SOBP: variants seen among roughly 807,000 people sequenced by gnomAD.
SOBP encodes sine oculis binding protein homolog.
SOBP carries 4 observed loss-of-function variants against 53.6 expected under a neutral mutation model. The observed-to-expected ratio is 0.07, with a 90% CI of 0.04 to 0.17. SOBP has a LOEUF of 0.17. SOBP is among the 10% of genes least tolerant of loss of function. The pLI, the probability that SOBP is intolerant of heterozygous loss-of-function variation, is 1.00. For missense variants in SOBP, 1,088 were observed against 1,204.7 expected, an observed-to-expected ratio of 0.90 and a Z score of 1.43; for synonymous variants, 584 against 522.6, an observed-to-expected ratio of 1.12 and a Z score of -1.60.
At chr6:107,563,397 A>T (rs1338863317) in intron 4 of SOBP, among the ~76,000 whole-genome samples, 1 of 152,242 alleles carries the variant, frequency 6.6e-6, no homozygotes, top group African/African-American at 2.4e-5. Context: ...CATTTTTATG[A>T]TTAGGAAATT....
chr6:107,536,105 T>G (rs947960034), intron 4 of SOBP, among the ~76,000 whole-genome samples: 2 of 152,198 alleles, frequency 1.3e-5, no homozygotes, highest in African/African-American at 4.8e-5. Context: ...TGTGTGTGTG[T>G]GCAGAACAGA....
At chr6:107,657,531 A>G (rs1562131861) in intron 6 of SOBP, among the ~76,000 whole-genome samples, 1 of 152,198 alleles carries the variant, frequency 6.6e-6, no homozygotes, top group Non-Finnish European at 1.5e-5. Context: ...ATATGTGTCC[A>G]TGGTAATTTT....
At chr6:107,630,941 T>C (rs1770690544) in intron 5 of SOBP, among the ~76,000 whole-genome samples, 1 of 152,212 alleles carries the variant, frequency 6.6e-6, no homozygotes, top group Non-Finnish European at 1.5e-5. Flanking sequence ...TGTAATTCTT[T>C]TTATGTCAAA....
At chr6:107,504,115 CTT>C (rs1782916636) in intron 2 of SOBP, among the ~76,000 whole-genome samples, 1 of 152,216 alleles carries the variant, frequency 6.6e-6, no homozygotes, top group Admixed American at 6.5e-5. Flanking sequence ...TTCCTGATCA[CTT>C]TGATAGATCA....
At chr6:107,641,016 A>G (rs1402842822) in intron 6 of SOBP, among the ~76,000 whole-genome samples, 1 of 152,238 alleles carries the variant, frequency 6.6e-6, no homozygotes, top group Non-Finnish European at 1.5e-5. Flanking sequence ...TTATGTGCCT[A>G]TGCACAGAGG....
chr6:107,490,849 C>T lies in SOBP; in HGVS notation c.96+137C>T, dbSNP rs77282648. The T allele has an allele frequency of 1.7e-3, 1,165 of 690,678 alleles. 6 individuals are homozygous for T. In the African/African-American group the frequency reaches 0.018, roughly 10 times the overall value. The allele number at this position is 690,678 out of a possible 1,614,324, so 42.8% of individuals were successfully genotyped here. A position where few individuals can be genotyped will look rare whatever the true frequency, so the allele number is the denominator to read the frequency against. ...GATGCCCAGAACGGCTCCGCTCCTC[C>T]TCCAGGTGTAAAGCAGAGGCCAACT... is the stretch of plus-strand genomic sequence containing the variant. On this transcript the variant is annotated intron_variant, in intron 1 of 6. Coordinates refer to ENST00000317357, the MANE Select transcript of SOBP (RefSeq NM_018013.4).
chr6:107,641,913 G>A (rs986471890), intron 6 of SOBP, among the ~76,000 whole-genome samples: 2 of 152,188 alleles, frequency 1.3e-5, no homozygotes, highest in East Asian at 1.9e-4. Context: ...CCAAAGGGAC[G>A]GGGGTGGCCA....
chr6:107,548,070 A>T (rs909969048), intron 4 of SOBP, among the ~76,000 whole-genome samples: 6 of 152,142 alleles, frequency 3.9e-5, no homozygotes, highest in African/African-American at 1.4e-4. Flanking sequence ...TTCATTGAGT[A>T]TGAGGGATTT....
chr6:107,572,597 C>A (rs1291942286), intron 4 of SOBP, among the ~76,000 whole-genome samples: 2 of 152,172 alleles, frequency 1.3e-5, no homozygotes, highest in East Asian at 3.8e-4. Context: ...AGCCACTGCA[C>A]CTGGCCTTAA....
chr6:107,647,644 T>G (rs1277812796), intron 6 of SOBP, among the ~76,000 whole-genome samples: 2 of 151,926 alleles, frequency 1.3e-5, no homozygotes, highest in Non-Finnish European at 2.9e-5. Flanking sequence ...GGTTCCACTT[T>G]TACAAGTCGA....
intron 4 of SOBP, among the ~76,000 whole-genome samples, chr6:107,551,019 A>G (rs180951703): frequency 1.1e-4 from 16 of 152,336 alleles, no homozygotes; most frequent in Non-Finnish European, 2.2e-4. Flanking sequence ...TAATGCAGAG[A>G]CTGACAGGCA....
chr6:107,499,592 A>G (rs1441850172), intron 1 of SOBP, among the ~76,000 whole-genome samples: 1 of 152,218 alleles, frequency 6.6e-6, no homozygotes, highest in African/African-American at 2.4e-5. Flanking sequence ...TATGGGAGCA[A>G]TGATAAAATA....
chr6:107,521,296 A>T (rs1265164730), intron 3 of SOBP, among the ~76,000 whole-genome samples: 1 of 151,846 alleles, frequency 6.6e-6, no homozygotes, highest in Non-Finnish European at 1.5e-5. Flanking sequence ...TTTAGGCTTC[A>T]CTATGATACA....
chr6:107,595,350 C>CTTTTTTTTTTTTT (rs745477007), intron 5 of SOBP, among the ~76,000 whole-genome samples: 1 of 88,138 alleles, frequency 1.1e-5, no homozygotes, highest in Non-Finnish European at 2.0e-5. Flanking sequence ...GATTTTGATC[C>CTTTTTTTTTTTTT]TTTTTTTTTT....
Position 107,621,338 on chromosome 6 carries a change from T to G in SOBP, c.670-12176T>G, listed in dbSNP as rs555777881. ...GGGATCCTTAGTGGAGAATCCAGTATTTGTTGAGCATTGGTTTTCAACCAG... is the reference window on the plus strand; with the variant it reads ...GGGATCCTTAGTGGAGAATCCAGTAGTTGTTGAGCATTGGTTTTCAACCAG... On this transcript the variant is annotated intron_variant, in intron 5 of 6. Transcript: ENST00000317357. Among the ~76,000 whole-genome samples the G allele has an allele frequency of 3.7e-4, 57 of 152,360 alleles. No individual in the cohort carries two copies. The South Asian group carries it at 0.011, about 30-fold the overall frequency.
intron 6 of SOBP, among the ~76,000 whole-genome samples, chr6:107,647,617 A>C (rs139598581): frequency 6.6e-6 from 1 of 152,286 alleles, no homozygotes; most frequent in Non-Finnish European, 1.5e-5. Context: ...CATTCCAGAA[A>C]TTCTCATAAA....
intron 6 of SOBP, among the ~76,000 whole-genome samples, chr6:107,649,468 C>G (rs919452038): frequency 6.6e-6 from 1 of 151,782 alleles, no homozygotes; most frequent in Non-Finnish European, 1.5e-5. Flanking sequence ...CAGAGCAAGA[C>G]CCTGTCTCAA....
rs187606104 is a variant in SOBP at position 107,543,789 on chromosome 6, G to A, written c.573+10179G>A. ...TTGAAAGATAAAAATGTGGTTAGCCGTCATCATAGGGTCCTTAGATGAACC... is the reference window on the plus strand; with the variant it reads ...TTGAAAGATAAAAATGTGGTTAGCCATCATCATAGGGTCCTTAGATGAACC... On this transcript the variant is annotated intron_variant, in intron 4 of 6. Transcript: ENST00000317357. Among the ~76,000 whole-genome samples, 507 of 152,282 alleles carry A rather than the reference G, an allele frequency of 3.3e-3. 1 individual carries two copies. Among genetic ancestry groups the A allele is most frequent in the African/African-American group, 6.5e-3 (272 of 41,548 alleles).
intron 4 of SOBP, among the ~76,000 whole-genome samples, chr6:107,568,383 A>T (rs1319013759): frequency 6.6e-6 from 1 of 152,224 alleles, no homozygotes; most frequent in Non-Finnish European, 1.5e-5. Flanking sequence ...TTGAAGATGA[A>T]CAACGGACTC....
Sources: allele counts gnomAD v4.1 joint callset (sites outside exome capture counted in the v4.1 genomes callset), GRCh38; gene constraint gnomAD v4.1.1; transcripts MANE v1.5; gene names NCBI Gene and HGNC (gene_info 2026-07-23, HGNC 2026-07-21).